Variants in KCNH7 observed in about 807,000 individuals in gnomAD.
KCNH7 encodes potassium voltage-gated channel subfamily H member 7, also known as voltage-gated inwardly rectifying potassium channel KCNH7.
A neutral mutation model predicts 120.8 loss-of-function variants in KCNH7; 49 were observed. That is an observed-to-expected ratio of 0.41 (90% CI 0.32 to 0.51). The LOEUF is 0.51. KCNH7 is among the 20% of genes least tolerant of loss of function. KCNH7 has a pLI of 0.38. For missense variants in KCNH7, 1,097 were observed against 1,446.6 expected, an observed-to-expected ratio of 0.76 and a Z score of 3.92; for synonymous variants, 547 against 516.1, an observed-to-expected ratio of 1.06 and a Z score of -0.81.
chr2:162,396,649 T>C, intron 11 of KCNH7, 91 bp downstream of exon 11: 1 of 887,894 alleles, frequency 1.1e-6, no homozygotes, highest in Non-Finnish European at 1.7e-6. Flanking sequence ...CTTGCTGCAA[T>C]ATTTTGCTTG....
chr2:162,815,085 CAA>C (rs1248117403), intron 2 of KCNH7, among the ~76,000 whole-genome samples: 1 of 152,050 alleles, frequency 6.6e-6, no homozygotes, highest in Non-Finnish European at 1.5e-5. Context: ...CTTTTTACTC[CAA>C]GAGTCATATT....
chr2:162,735,510 G>A lies in KCNH7; in HGVS notation c.307+101027C>T, dbSNP rs994565306. Among the ~76,000 whole-genome samples, 10 of 152,188 alleles carry A rather than the reference G, an allele frequency of 6.6e-5. No individual in the cohort carries two copies. In the South Asian group the frequency reaches 2.1e-3, roughly 32 times the overall value. On this transcript the variant is annotated intron_variant, in intron 2 of 15. Transcript: ENST00000332142. Reference sequence around the variant, plus strand: ...TACTCCTATAGATAATGTCACTATTGCAAACTTTAAAGAATTGGCCCTTGA... The same window carrying A: ...TACTCCTATAGATAATGTCACTATTACAAACTTTAAAGAATTGGCCCTTGA...
intron 3 of KCNH7, among the ~76,000 whole-genome samples, chr2:162,520,558 G>A (rs1238422529): frequency 6.6e-6 from 1 of 151,698 alleles, no homozygotes; most frequent in Non-Finnish European, 1.5e-5. Context: ...TCAGGCATTT[G>A]AGATGAATCT....
chr2:162,514,997 C>T (rs1373912425), intron 4 of KCNH7, among the ~76,000 whole-genome samples: 1 of 151,736 alleles, frequency 6.6e-6, no homozygotes, highest in Non-Finnish European at 1.5e-5. Flanking sequence ...AAACTAAAAT[C>T]ACTTCTAAAA....
At chr2:162,744,812 A>T (rs530447642) in intron 2 of KCNH7, among the ~76,000 whole-genome samples, 2 of 152,142 alleles carry the variant, frequency 1.3e-5, no homozygotes, top group Non-Finnish European at 2.9e-5. Context: ...TGACCTCGTG[A>T]TCCGCCCGCC....
At chr2:162,747,354 T>G (rs1333673752) in intron 2 of KCNH7, among the ~76,000 whole-genome samples, 1 of 152,204 alleles carries the variant, frequency 6.6e-6, no homozygotes, top group Non-Finnish European at 1.5e-5. Context: ...AACTTTGATC[T>G]GTTAGCACTG....
At chr2:162,786,874 T>C (rs1044790643) in intron 2 of KCNH7, among the ~76,000 whole-genome samples, 20 of 152,210 alleles carry the variant, frequency 1.3e-4, no homozygotes, top group Admixed American at 1.2e-3. Flanking sequence ...TACCATGCTC[T>C]AAGGAATGCA....
chr2:162,564,777 C>T (rs1335649401), intron 2 of KCNH7, among the ~76,000 whole-genome samples: 1 of 152,120 alleles, frequency 6.6e-6, no homozygotes, highest in Non-Finnish European at 1.5e-5. Flanking sequence ...TCATTAAAGG[C>T]TAGATCCGCA....
intron 2 of KCNH7, among the ~76,000 whole-genome samples, chr2:162,808,405 G>C (rs769485402): frequency 7.2e-5 from 11 of 152,068 alleles, no homozygotes; most frequent in Non-Finnish European, 1.5e-4. Flanking sequence ...AATTCACCAG[G>C]AGTTATCACA....
chr2:162,777,998 C>T (rs185243100), intron 2 of KCNH7, among the ~76,000 whole-genome samples: 308 of 151,706 alleles, frequency 2.0e-3, no homozygotes, highest in African/African-American at 5.7e-3. Context: ...TTTTGGCATG[C>T]GTGTGGTAAA....
intron 2 of KCNH7, among the ~76,000 whole-genome samples, chr2:162,610,450 C>T (rs1682929401): frequency 6.6e-6 from 1 of 152,140 alleles, no homozygotes; most frequent in Non-Finnish European, 1.5e-5. Flanking sequence ...CATGCTAGGG[C>T]TATTCTGCCA....
intron 5 of KCNH7, 36 bp from the exon 6 acceptor site, chr2:162,504,693 A>T (rs767394791): frequency 7.7e-7 from 1 of 1,292,290 alleles, no homozygotes; most frequent in Non-Finnish European, 1.1e-6. Context: ...GAGTAATATA[A>T]GAAGATATAG....
chr2:162,640,233 G>A (rs183795257), intron 2 of KCNH7, among the ~76,000 whole-genome samples: 22 of 152,070 alleles, frequency 1.4e-4, no homozygotes, highest in Non-Finnish European at 2.9e-5. Flanking sequence ...AAAGGAAGTA[G>A]AATAGTTTTA....
chr2:162,602,893 G>T (rs1223691726), intron 2 of KCNH7, among the ~76,000 whole-genome samples: 1 of 150,026 alleles, frequency 6.7e-6, no homozygotes, highest in Non-Finnish European at 1.5e-5. Context: ...ACGTAAAAAT[G>T]TGAGGAGGAG....
intron 2 of KCNH7, among the ~76,000 whole-genome samples, chr2:162,576,139 G>C (rs1290574677): frequency 1.3e-5 from 2 of 151,984 alleles, no homozygotes; most frequent in Admixed American, 6.6e-5. Flanking sequence ...CAAGTAACTT[G>C]TATTTATTTT....
At chr2:162,727,117 T>G (rs1445430051) in intron 2 of KCNH7, among the ~76,000 whole-genome samples, 1 of 152,220 alleles carries the variant, frequency 6.6e-6, no homozygotes, top group African/African-American at 2.4e-5. Flanking sequence ...AACATACCTA[T>G]CTATGTCTCT....
chr2:162,507,374 A>T (rs929462931), intron 5 of KCNH7, among the ~76,000 whole-genome samples: 6 of 151,676 alleles, frequency 4.0e-5, no homozygotes, highest in African/African-American at 1.4e-4. Context: ...ATATCTTCCT[A>T]TGTATGTAAA....
intron 2 of KCNH7, among the ~76,000 whole-genome samples, chr2:162,702,690 TCTC>T (rs911114984): frequency 2.6e-5 from 4 of 152,214 alleles, no homozygotes; most frequent in African/African-American, 9.6e-5. Flanking sequence ...CGTCTCTAAT[TCTC>T]CTTTCTCTCT....
At chr2:162,790,270 G>A (rs1323096689) in intron 2 of KCNH7, among the ~76,000 whole-genome samples, 1 of 151,150 alleles carries the variant, frequency 6.6e-6, no homozygotes, top group Non-Finnish European at 1.5e-5. Flanking sequence ...CACCTACTAA[G>A]ACTGAATCAT....
Sources: allele counts gnomAD v4.1 joint callset (sites outside exome capture counted in the v4.1 genomes callset), GRCh38; gene constraint gnomAD v4.1.1; transcripts MANE v1.5; gene names NCBI Gene and HGNC (gene_info 2026-07-23, HGNC 2026-07-21).